GBP1: variants seen among roughly 807,000 people sequenced by gnomAD.
GBP1 encodes guanylate binding protein 1, also known as guanylate-binding protein 1.
A neutral mutation model predicts 69.5 loss-of-function variants in GBP1; 64 were observed. The observed-to-expected ratio is 0.92, with a 90% CI of 0.75 to 1.13. The LOEUF is 1.13. GBP1 is among the 50% of genes most tolerant of loss of function. GBP1 has a pLI of 0.00. For synonymous variants in GBP1, 250 were observed against 261.2 expected, an observed-to-expected ratio of 0.96 and a Z score of 0.41; for missense variants, 630 against 704.1, an observed-to-expected ratio of 0.89 and a Z score of 1.19.
rs779066433 is a variant in GBP1, at chr1:89,059,455, A to G, written c.319-29T>C. On this transcript the variant is annotated intron_variant, in intron 3 of 10. Coordinates refer to ENST00000370473, the MANE Select transcript of GBP1 (RefSeq NM_002053.3). Reference sequence around the variant, plus strand: ...GAAGTCAAGACACACTGGAGTCAGGAGCAAGTTTCATCATCGCAGCACTTT... The same window carrying G: ...GAAGTCAAGACACACTGGAGTCAGGGGCAAGTTTCATCATCGCAGCACTTT... The G allele has an allele frequency of 6.8e-6, 11 of 1,612,662 alleles. No homozygotes were observed. In the South Asian group the frequency reaches 7.7e-5, roughly 11 times the overall value.
intron 10 of GBP1, among the ~76,000 whole-genome samples, chr1:89,054,213 C>T (rs1679985994): frequency 6.6e-6 from 1 of 152,046 alleles, no homozygotes; most frequent in Non-Finnish European, 1.5e-5. Flanking sequence ...CATTCTCCTG[C>T]CTCAGCTTCC....
chr1:89,055,255 G>C, intron 8 of GBP1, 40 bp from the exon 9 acceptor site: 2 of 1,610,910 alleles, frequency 1.2e-6, no homozygotes, highest in Non-Finnish European at 1.7e-6. Flanking sequence ...GTAGGAAATG[G>C]CTGTAAGCAG....
chr1:89,058,733 T>A, intron 5 of GBP1, 108 bp downstream of exon 5: 1 of 1,122,596 alleles, frequency 8.9e-7, no homozygotes, highest in Non-Finnish European at 1.3e-6. Context: ...AATAGCCAGC[T>A]GAAGACATAG....
rs751846532 is a variant in GBP1, at chr1:89,056,009, T to C, written c.1368+7A>G. 1 of 1,613,824 alleles carries C rather than the reference T, an allele frequency of 6.2e-7. No individual in the cohort carries two copies. Among genetic ancestry groups the C allele is most frequent in the Non-Finnish European group, 8.5e-7 (1 of 1,179,820 alleles). ...CTTTCCATAATTGACAGATAAATCTTGGTTACCTGTATCCCCTTCCTCGGT... is the reference window on the plus strand; with the variant it reads ...CTTTCCATAATTGACAGATAAATCTCGGTTACCTGTATCCCCTTCCTCGGT... On this transcript the variant is annotated splice_region_variant and intron_variant, in intron 8 of 10. Coordinates refer to ENST00000370473, the MANE Select transcript of GBP1 (RefSeq NM_002053.3).
chr1:89,060,178 C>T lies in GBP1; in HGVS notation c.318+19G>A. On this transcript the variant is annotated intron_variant, in intron 3 of 10. Transcript: ENST00000370473. ...CAGAGAGGAGGGGCTTACTCCACAA[C>T]TGGATCCTTGAGTCTCACCTTCTCT... 1.9e-6 allele frequency: 3 copies of T among 1,582,788 alleles called. No homozygotes were observed. The highest frequency in any genetic ancestry group is 2.6e-6 in the Non-Finnish European group (3 of 1,168,238).
chr1:89,056,952 G>C lies in GBP1; in HGVS notation c.1057C>G (p.Leu353Val). The change falls in exon 7 of 11, where the codon CTG (leucine) becomes GTG (valine). Residue 353 changes from leucine (L) to valine (V), a missense_variant. By Grantham distance (32) the Leu-to-Val change is conservative. Transcript: ENST00000370473. ...TCACTGTCCCTGTGCAGGTCCAGCA[G>C]CTCCTGGAGGGTTTCTGTGGGCAGC... ...VQLPTETLQELLDLHRDSERE... is the reference protein window; with the variant it reads ...VQLPTETLQEVLDLHRDSERE... 1 of 1,614,200 alleles carries C rather than the reference G, an allele frequency of 6.2e-7. No homozygotes were observed. The highest frequency in any genetic ancestry group is 1.7e-5 in the Admixed American group (1 of 60,024).
intron 8 of GBP1, chr1:89,055,618 C>G: frequency 2.8e-6 from 1 of 352,656 alleles, no homozygotes; most frequent in Non-Finnish European, 5.3e-6. Context: ...GAACACTGGA[C>G]AGAGAGCCAG....
In GBP1 at chr1:89,055,218, T is replaced by C. The variant is rs1557747817; in HGVS notation, c.1369-3A>G. On this transcript the variant is annotated splice_region_variant and splice_polypyrimidine_tract_variant and intron_variant, in intron 8 of 10. Transcript: ENST00000370473. ...TATGTCTGCAGAATCTCTTCAGCCT[T>C]AGGACCCAGAGAACACAGAGTGAGA... is the stretch of plus-strand genomic sequence containing the variant. The C allele has an allele frequency of 6.2e-7, 1 of 1,612,958 alleles. No individual in the cohort carries two copies. The highest frequency in any genetic ancestry group is 1.3e-5 in the African/African-American group (1 of 74,822).
At chr1:89,055,780 CTT>C (rs1680027416) in intron 8 of GBP1, 1 of 588,988 alleles carries the variant, frequency 1.7e-6, no homozygotes. Flanking sequence ...ACAATAATAA[CTT>C]TGTGCTTCAT....
intron 10 of GBP1, 88 bp downstream of exon 10, chr1:89,054,594 A>G: frequency 8.2e-7 from 1 of 1,218,376 alleles, no homozygotes; most frequent in Non-Finnish European, 1.2e-6. Flanking sequence ...CCTGGGCTTC[A>G]TGTTCTCTCT....
Position 89,060,272 on chromosome 1 carries a change from C to T in GBP1, c.243G>A (p.Trp81Ter), listed in dbSNP as rs1194910568. ...VQSHTKGIWM[W>*]CVPHPKKPGH... The stretch of plus-strand genomic sequence containing the variant: ...CTGGCTTCTTGGGGTGGGGCACACA[C>T]CACATCCAGATTCCTTTAGTGTGAG... The change falls in exon 3 of 11, where the codon TGG becomes TGA. Residue 81 changes from tryptophan (W) to a stop codon, truncating the protein, a stop_gained. Coordinates refer to ENST00000370473, the MANE Select transcript of GBP1 (RefSeq NM_002053.3). LOFTEE classifies it high-confidence loss of function. The T allele has an allele frequency of 3.1e-6, 5 of 1,603,296 alleles. No individual in the cohort carries two copies. In the Admixed American group the frequency reaches 8.6e-5, roughly 28 times the overall value.
At chr1:89,056,716 T>A in intron 7 of GBP1, 138 bp downstream of exon 7, 1 of 1,008,776 alleles carries the variant, frequency 9.9e-7, no homozygotes, top group Non-Finnish European at 1.5e-6. Flanking sequence ...TTCTGACTGA[T>A]GTGATCACAA....
In GBP1 at chr1:89,057,987, C is replaced by A; in HGVS notation, c.874+5G>T. 1 of 1,608,846 alleles carries A rather than the reference C, an allele frequency of 6.2e-7. No homozygotes were observed. Among genetic ancestry groups the A allele is most frequent in the Non-Finnish European group, 8.5e-7 (1 of 1,177,042 alleles). On this transcript the variant is annotated splice_donor_5th_base_variant and intron_variant, in intron 6 of 10. Transcript: ENST00000370473. ...ATGAGCAGAAGTACTAGGAAGGGGA[C>A]TTACGAGGCCCGTTGACCTGGATGC...
intron 3 of GBP1, 110 bp from the exon 4 acceptor site, chr1:89,059,536 C>CTT (rs34279176): frequency 3.3e-3 from 1,965 of 594,666 alleles, no homozygotes; most frequent in Middle Eastern, 5.5e-3. Context: ...TTTTTCTTTT[C>CTT]TTTTTTTTTT....
At chr1:89,057,217 C>A (rs1680072070) in intron 6 of GBP1, 83 bp from the exon 7 acceptor site, 4 of 1,559,106 alleles carry the variant, frequency 2.6e-6, no homozygotes, top group Non-Finnish European at 3.5e-6. Flanking sequence ...TCAAATACCA[C>A]CTATTTTCCT....
rs1320839817 is a variant in GBP1, at chr1:89,061,083, G to A, written c.191-759C>T. On this transcript the variant is annotated intron_variant, in intron 2 of 10. Coordinates refer to ENST00000370473, the MANE Select transcript of GBP1 (RefSeq NM_002053.3). The stretch of plus-strand genomic sequence containing the variant: ...GACATCCTGTGTTTATGGATTGGAA[G>A]ACTTAATATTCTTAAGATGTCACTA... Among the ~76,000 whole-genome samples the A allele has an allele frequency of 2.0e-5, 3 of 152,264 alleles. No individual in the cohort carries two copies. The South Asian group carries it at 6.2e-4, about 32-fold the overall frequency.
chr1:89,059,134 G>C, intron 4 of GBP1, 91 bp from the exon 5 acceptor site: 1 of 1,591,906 alleles, frequency 6.3e-7, no homozygotes, highest in South Asian at 1.1e-5. Flanking sequence ...ATTTTCCTTT[G>C]CTCCTAACCT....
rs1680123809 is a variant in GBP1, at chr1:89,059,322, T to C, written c.423A>G (p.Gln141=). The change falls in exon 4 of 11, where the codon CAA becomes CAG. Residue 141 remains glutamine (Q), a synonymous_variant. Transcript: ENST00000370473. ...IGTINQQAMD[Q]LYYVTELTHR... The stretch of plus-strand genomic sequence containing the variant: ...TCTGGGTCACAAAAGGATACTACAG[T>C]TGGTCCATAGCCTGCTGGTTGATGG... 6.2e-7 allele frequency: 1 copy of C among 1,614,030 alleles called. No homozygotes were observed. The highest frequency in any genetic ancestry group is 8.5e-7 in the Non-Finnish European group (1 of 1,180,020).
Position 89,059,387 on chromosome 1 carries a change from C to A in GBP1, c.358G>T (p.Val120Phe). Reference protein sequence around the residue: ...QNDSWIFALAVLLSSTFVYNS... With the variant: ...QNDSWIFALAFLLSSTFVYNS... Reference sequence around the variant, plus strand: ...TACACGAAGGTGCTGCTCAGGAGGACGGCCAGGGCGAAGATCCAGGAGTCA... The same window carrying A: ...TACACGAAGGTGCTGCTCAGGAGGAAGGCCAGGGCGAAGATCCAGGAGTCA... Residue 120 changes from valine to phenylalanine, a missense_variant, in exon 4 of 11, where the codon GTC becomes TTC. By Grantham distance (50) the Val-to-Phe change is conservative. This residue lies in a region of GBP1 where 26 missense variants were observed against 54.9 expected (regional missense o/e 0.47). Transcript: ENST00000370473. 5 of 1,614,056 alleles carry A rather than the reference C, an allele frequency of 3.1e-6. No individual in the cohort carries two copies. Among genetic ancestry groups the A allele is most frequent in the Non-Finnish European group, 4.2e-6 (5 of 1,179,996 alleles).
Sources: gnomAD v4.1 joint callset for allele counts (sites outside exome capture counted in the v4.1 genomes callset) on GRCh38, gnomAD v4.1.1 for gene constraint, gnomAD v4.1.1 regional missense constraint, MANE v1.5 for transcripts, NCBI Gene and HGNC (gene_info 2026-07-23, HGNC 2026-07-21) for gene names.